Variants in GSE1 observed in about 807,000 individuals in gnomAD.
GSE1 encodes the protein Gse1 coiled-coil protein, also known as genetic suppressor element 1.
Under a neutral mutation model 112.6 loss-of-function variants are expected in GSE1, and 32 were observed. The observed-to-expected ratio is 0.28, with a 90% CI of 0.21 to 0.38. The LOEUF is 0.38. Ranked by LOEUF, GSE1 falls within the 10% of genes least tolerant of loss-of-function variation. GSE1 has a pLI of 1.00. For missense variants in GSE1, 2,348 were observed against 1,699.2 expected, an observed-to-expected ratio of 1.38 and a Z score of -6.71; for synonymous variants, 1,115 against 735.6, an observed-to-expected ratio of 1.52 and a Z score of -8.35.
At chr16:85,493,635 C>T (rs1185911501) in intron 2 of GSE1, among the ~76,000 whole-genome samples, 5 of 152,130 alleles carry the variant, frequency 3.3e-5, no homozygotes, top group South Asian at 4.2e-4. Context: ...TGCCTGTCAT[C>T]CCAGCTACTT....
chr16:85,526,771 C>T (rs778611228), intron 2 of GSE1, among the ~76,000 whole-genome samples: 13 of 152,238 alleles, frequency 8.5e-5, no homozygotes, highest in African/African-American at 1.2e-4. Context: ...GACGTCCGCT[C>T]GCTCTCTTAC....
intron 1 of GSE1, among the ~76,000 whole-genome samples, chr16:85,229,109 G>A (rs1319835422): frequency 6.6e-6 from 1 of 152,244 alleles, no homozygotes; most frequent in Non-Finnish European, 1.5e-5. Flanking sequence ...CAGCGTGGGG[G>A]TGGCGGCATC....
At chr16:85,220,752 CCTTT>C (rs1002418747) in intron 1 of GSE1, among the ~76,000 whole-genome samples, 1 of 152,178 alleles carries the variant, frequency 6.6e-6, no homozygotes, top group African/African-American at 2.4e-5. Context: ...TGCCTCTATC[CCTTT>C]CTCTCTCCTT....
At chr16:85,422,016 C>T (rs1027344124) in intron 2 of GSE1, among the ~76,000 whole-genome samples, 3 of 152,104 alleles carry the variant, frequency 2.0e-5, no homozygotes, top group Admixed American at 6.5e-5. Flanking sequence ...CCCATGTAGG[C>T]TCATAGTGGG....
chr16:85,626,043 C>T (rs1373001439), intron 1 of GSE1, among the ~76,000 whole-genome samples: 3 of 152,116 alleles, frequency 2.0e-5, no homozygotes, highest in Non-Finnish European at 4.4e-5. Context: ...TTGCCTTAGC[C>T]ATGAGTGATG....
chr16:85,326,739 G>T (rs923817902), intron 1 of GSE1, among the ~76,000 whole-genome samples: 4 of 152,192 alleles, frequency 2.6e-5, no homozygotes, highest in African/African-American at 9.6e-5. Context: ...ATATGGCCTG[G>T]TGCTTACTTT....
intron 2 of GSE1, among the ~76,000 whole-genome samples, chr16:85,516,965 T>C (rs985241360): frequency 6.6e-6 from 1 of 151,988 alleles, no homozygotes; most frequent in Non-Finnish European, 1.5e-5. Context: ...GCCCGGCTAA[T>C]TTTTTGTATT....
chr16:85,198,850 C>G (rs1039548151), intron 1 of GSE1, among the ~76,000 whole-genome samples: 7 of 151,998 alleles, frequency 4.6e-5, no homozygotes, highest in Non-Finnish European at 7.4e-5. Context: ...GTGATCGTGA[C>G]TCACTGCAGC....
chr16:85,541,578 G>A (rs2044520538), intron 2 of GSE1, among the ~76,000 whole-genome samples: 1 of 152,258 alleles, frequency 6.6e-6, no homozygotes, highest in South Asian at 2.1e-4. Flanking sequence ...CCGTGGACAA[G>A]GCAGGGCCAC....
rs2052065286 is a variant in GSE1 at position 85,657,495 on chromosome 16, C to T, written c.1531C>T (p.Arg511Trp). 5.0e-6 allele frequency: 8 copies of T among 1,606,632 alleles called. No homozygotes were observed. Among genetic ancestry groups the T allele is most frequent in the South Asian group, 1.1e-5 (1 of 90,276 alleles). Residue 511 changes from arginine (R) to tryptophan (W), a missense_variant, in exon 8 of 16, where the codon CGG becomes TGG. Transcript: ENST00000253458. ...QRRLRQEKED[R>W]QSQVSEFRQQ... ...GCGGCTGCGGCAGGAGAAGGAGGACCGGCAGTCTCAGGTGTCCGAGTTCCG... is the reference window on the plus strand; with the variant it reads ...GCGGCTGCGGCAGGAGAAGGAGGACTGGCAGTCTCAGGTGTCCGAGTTCCG...
intron 2 of GSE1, among the ~76,000 whole-genome samples, chr16:85,636,159 A>G (rs1054938968): frequency 3.3e-5 from 5 of 152,202 alleles, no homozygotes; most frequent in Non-Finnish European, 7.3e-5. Flanking sequence ...AGGGTCCCCC[A>G]TGGTGGATGC....
intron 1 of GSE1, among the ~76,000 whole-genome samples, chr16:85,271,181 C>T (rs545189269): frequency 6.6e-6 from 1 of 152,136 alleles, no homozygotes; most frequent in East Asian, 1.9e-4. Context: ...CAGATCCCTC[C>T]TGTAGGTGGA....
chr16:85,512,960 T>C (rs2051797740), intron 2 of GSE1, among the ~76,000 whole-genome samples: 1 of 152,046 alleles, frequency 6.6e-6, no homozygotes, highest in Non-Finnish European at 1.5e-5. Context: ...CACCACACTT[T>C]ATCTGACCCT....
At chr16:85,275,162 A>G (rs1909230322) in intron 1 of GSE1, among the ~76,000 whole-genome samples, 1 of 152,096 alleles carries the variant, frequency 6.6e-6, no homozygotes, top group Non-Finnish European at 1.5e-5. Flanking sequence ...CAGACAAGGG[A>G]AAAGTCTCCC....
chr16:85,517,772 A>G (rs2052001385), intron 2 of GSE1, among the ~76,000 whole-genome samples: 1 of 152,188 alleles, frequency 6.6e-6, no homozygotes, highest in Non-Finnish European at 1.5e-5. Context: ...TTTCTAAGGG[A>G]GCCCCGTGCA....
At chr16:85,274,886 G>A (rs1909202123) in intron 1 of GSE1, among the ~76,000 whole-genome samples, 1 of 152,246 alleles carries the variant, frequency 6.6e-6, no homozygotes, top group African/African-American at 2.4e-5. Flanking sequence ...GATGCATGTG[G>A]GGCCTGGCCC....
At chr16:85,480,885 G>A (rs915215893) in intron 2 of GSE1, among the ~76,000 whole-genome samples, 1 of 152,174 alleles carries the variant, frequency 6.6e-6, no homozygotes, top group Non-Finnish European at 1.5e-5. Flanking sequence ...ATAATACTCC[G>A]GAGCAGCTGG....
At chr16:85,640,958 G>A (rs909741428) in intron 2 of GSE1, among the ~76,000 whole-genome samples, 5 of 152,212 alleles carry the variant, frequency 3.3e-5, no homozygotes, top group Non-Finnish European at 5.9e-5. Context: ...CAAGGCCCAC[G>A]GAGAGGACCC....
intron 1 of GSE1, among the ~76,000 whole-genome samples, chr16:85,302,540 G>A (rs931204859): frequency 6.6e-5 from 10 of 152,242 alleles, no homozygotes; most frequent in Middle Eastern, 6.8e-3. Flanking sequence ...GACAGCAGGC[G>A]TGAGAGGTTG....
Sources: allele counts gnomAD v4.1 joint callset (sites outside exome capture counted in the v4.1 genomes callset), GRCh38; gene constraint gnomAD v4.1.1; transcripts MANE v1.5; gene names NCBI Gene and HGNC (gene_info 2026-07-23, HGNC 2026-07-21).